TRHR: variants seen among roughly 807,000 people sequenced by gnomAD.
The protein encoded by TRHR is thyrotropin-releasing hormone receptor.
Under a neutral mutation model 28.0 loss-of-function variants are expected in TRHR, and 14 were observed. That is an observed-to-expected ratio of 0.50 (90% CI 0.33 to 0.78). TRHR has a LOEUF of 0.78. Ranked by LOEUF, TRHR falls within the 30% of genes least tolerant of loss-of-function variation. The pLI is 0.02. For missense variants in TRHR, 438 were observed against 469.5 expected (o/e 0.93, Z 0.62); for synonymous variants, 176 against 171.9 (o/e 1.02, Z -0.18).
At chr8:109,093,452 C>A (rs979758827) in intron 2 of TRHR, among the ~76,000 whole-genome samples, 1 of 126,782 alleles carries the variant, frequency 7.9e-6, no homozygotes, top group Non-Finnish European at 1.5e-5. Flanking sequence ...TGTCACCAGG[C>A]TGGAGTGCAG....
Position 109,088,270 on chromosome 8 carries a change from G to A in TRHR, c.758G>A (p.Cys253Tyr). ...TNLNVNTSNR[C>Y]FNSTVSSRKQ... ...CTGAATGTAAATACCTCTAATAGAT[G>A]TTTCAACAGCACAGTATCTTCAAGG... The change falls in exon 2 of 3, where the codon TGT becomes TAT. Residue 253 changes from cysteine to tyrosine, a missense_variant. Transcript: ENST00000518632. 1.2e-6 allele frequency: 2 copies of A among 1,613,974 alleles called. No homozygotes were observed. Among genetic ancestry groups the A allele is most frequent in the Middle Eastern group, 1.7e-4 (1 of 6,042 alleles).
At chr8:109,118,884 C>A (rs990242408) in intron 2 of TRHR, among the ~76,000 whole-genome samples, 164 bp from the exon 3 acceptor site, 8 of 151,802 alleles carry the variant, frequency 5.3e-5, no homozygotes, top group African/African-American at 1.9e-4. Context: ...TAATTGATAA[C>A]CCTTAATCCT....
chr8:109,103,164 T>C (rs1428846612), intron 2 of TRHR, among the ~76,000 whole-genome samples: 1 of 152,140 alleles, frequency 6.6e-6, no homozygotes, highest in African/African-American at 2.4e-5. Flanking sequence ...CAAAAACATG[T>C]GAACAAGGCA....
At chr8:109,115,472 C>A (rs1285723600) in intron 2 of TRHR, among the ~76,000 whole-genome samples, 1 of 152,054 alleles carries the variant, frequency 6.6e-6, no homozygotes, top group African/African-American at 2.4e-5. Context: ...TGTTTGTATC[C>A]TCTTTTATTT....
At chr8:109,114,840 C>T (rs1212852254) in intron 2 of TRHR, among the ~76,000 whole-genome samples, 3 of 151,998 alleles carry the variant, frequency 2.0e-5, no homozygotes, top group Non-Finnish European at 4.4e-5. Flanking sequence ...TATAATTGTT[C>T]ATCAGATTTA....
At chr8:109,102,926 G>T (rs527665576) in intron 2 of TRHR, among the ~76,000 whole-genome samples, 2 of 152,190 alleles carry the variant, frequency 1.3e-5, no homozygotes, top group Admixed American at 6.6e-5. Context: ...TGGTCCTCAA[G>T]GTTGTTTCCT....
chr8:109,087,660 G>A lies in TRHR; in HGVS notation c.148G>A (p.Val50Ile). ...AGGCAACATCATGGTAGTCCTGGTT[G>A]TCATGAGAACCAAGCACATGAGGAC... ...IVGNIMVVLV[V>I]MRTKHMRTPT... Residue 50 changes from valine to isoleucine, a missense_variant, in exon 2 of 3, where the codon GTC (valine) becomes ATC (isoleucine). Transcript: ENST00000518632. The A allele has an allele frequency of 6.2e-7, 1 of 1,614,092 alleles. No homozygotes were observed. The highest frequency in any genetic ancestry group is 8.5e-7 in the Non-Finnish European group (1 of 1,180,020).
At chr8:109,088,428 T>G (rs1333404731) in intron 2 of TRHR, 127 bp downstream of exon 2, 1 of 996,962 alleles carries the variant, frequency 1.0e-6, no homozygotes, top group East Asian at 2.6e-5. Context: ...TGTTTCACAG[T>G]GTAAGCTTCT....
At chr8:109,110,870 T>C (rs1811822190) in intron 2 of TRHR, among the ~76,000 whole-genome samples, 2 of 152,130 alleles carry the variant, frequency 1.3e-5, no homozygotes, top group Admixed American at 1.3e-4. Flanking sequence ...AAAAACTGAA[T>C]GTCAGTTGGG....
Position 109,088,122 on chromosome 8 carries a change from A to G in TRHR, c.610A>G (p.Met204Val). ...CTTTGGTGTCTTTTATGTTGTGCCA[A>G]TGATCCTGGCTACCGTCCTCTATGG... is the stretch of plus-strand genomic sequence containing the variant. ...MDFGVFYVVP[M>V]ILATVLYGFI... Residue 204 changes from methionine (M) to valine (V), a missense_variant, in exon 2 of 3, where the codon ATG becomes GTG. By Grantham distance (21) the Met-to-Val change is conservative (BLOSUM62 1). Transcript: ENST00000518632. 6.2e-7 allele frequency: 1 copy of G among 1,614,156 alleles called. No homozygotes were observed.
At chr8:109,118,450 A>T (rs951183637) in intron 2 of TRHR, among the ~76,000 whole-genome samples, 10 of 151,880 alleles carry the variant, frequency 6.6e-5, no homozygotes, top group Admixed American at 1.3e-4. Flanking sequence ...TAGGCCACAC[A>T]TAGGGTAAGT....
chr8:109,101,481 A>G (rs967915949), intron 2 of TRHR, among the ~76,000 whole-genome samples: 7 of 152,190 alleles, frequency 4.6e-5, no homozygotes, highest in Admixed American at 1.3e-4. Flanking sequence ...TTGTATATCT[A>G]TAAAAAGAAT....
intron 2 of TRHR, among the ~76,000 whole-genome samples, chr8:109,117,153 T>G (rs7823804): frequency 0.4 from 60,515 of 151,740 alleles, 12,333 homozygotes; most frequent in Admixed American, 0.5. Context: ...AATTGAAGAA[T>G]TTAAGTGTTT....
chr8:109,093,400 CTTTTTT>C (rs34645119), intron 2 of TRHR, among the ~76,000 whole-genome samples: 5 of 77,394 alleles, frequency 6.5e-5, no homozygotes, highest in African/African-American at 2.1e-4. Context: ...GTGCTATTTA[CTTTTTT>C]TTTTTTTTTT....
At chr8:109,101,910 G>A (rs1007211553) in intron 2 of TRHR, among the ~76,000 whole-genome samples, 9 of 152,138 alleles carry the variant, frequency 5.9e-5, no homozygotes, top group East Asian at 3.9e-4. Flanking sequence ...AGAATGAGAT[G>A]TAGGGCCTTT....
intron 2 of TRHR, among the ~76,000 whole-genome samples, chr8:109,088,938 C>T (rs1185185457): frequency 6.6e-6 from 1 of 152,136 alleles, no homozygotes; most frequent in African/African-American, 2.4e-5. Context: ...AAGACAACAT[C>T]AAGCTCAATT....
In TRHR at chr8:109,120,523, A is replaced by G. The variant is rs1030751978; in HGVS notation, c.*1068A>G. Among the ~76,000 whole-genome samples the G allele has an allele frequency of 6.6e-6, 1 of 151,478 alleles. No homozygotes were observed. The highest frequency in any genetic ancestry group is 1.5e-5 in the Non-Finnish European group (1 of 67,778). On this transcript the variant is annotated 3_prime_UTR_variant, in exon 3 of 3. Coordinates refer to ENST00000518632, the MANE Select transcript of TRHR (RefSeq NM_003301.7). ...GTCTATGGATTTTACCTTGACTGCA[A>G]TTGTCTTTCCTTCCTATCTGCTTGT...
At position 109,088,287 on chromosome 8, in the gene TRHR, T is replaced by C. The variant is rs1169724760; in HGVS notation, c.775T>C (p.Ser259Pro). ...TSNRCFNSTVSSRKQVTKMLA... is the reference protein window; with the variant it reads ...TSNRCFNSTVPSRKQVTKMLA... ...TAATAGATGTTTCAACAGCACAGTA[T>C]CTTCAAGGAAGCAGGTAAGCAAAAC... Residue 259 changes from serine to proline, a missense_variant, in exon 2 of 3, where the codon TCT becomes CCT. Ser to Pro is a moderately conservative substitution (Grantham distance 74, BLOSUM62 -1). Coordinates refer to ENST00000518632, the MANE Select transcript of TRHR (RefSeq NM_003301.7). 10 of 1,613,700 alleles carry C rather than the reference T, an allele frequency of 6.2e-6. 1 individual carries two copies. The highest frequency in any genetic ancestry group is 1.7e-4 in the Middle Eastern group (1 of 5,954).
At position 109,121,559 on chromosome 8, in the gene TRHR, A is replaced by G. The variant is rs995032829; in HGVS notation, c.*2104A>G. Among the ~76,000 whole-genome samples, 2 of 151,764 alleles carry G rather than the reference A, an allele frequency of 1.3e-5. No homozygotes were observed. Among genetic ancestry groups the G allele is most frequent in the Non-Finnish European group, 2.9e-5 (2 of 67,806 alleles). On this transcript the variant is annotated 3_prime_UTR_variant, in exon 3 of 3. Transcript: ENST00000518632. Reference sequence around the variant, plus strand: ...AATAAAAAGTTATGGATTTTGCAGAATGATTATATCAGGTGTTAAAAAATA... The same window carrying G: ...AATAAAAAGTTATGGATTTTGCAGAGTGATTATATCAGGTGTTAAAAAATA...
Sources: allele counts gnomAD v4.1 joint callset (sites outside exome capture counted in the v4.1 genomes callset), GRCh38; gene constraint gnomAD v4.1.1; transcripts MANE v1.5; gene names NCBI Gene and HGNC (gene_info 2026-07-23, HGNC 2026-07-21).